The following VWA5B2 variants were observed in gnomAD, a reference collection of about 807,000 sequenced individuals.
The protein encoded by VWA5B2 is von Willebrand factor A domain containing 5B2.
In VWA5B2, 93 loss-of-function variants were observed where a neutral mutation model predicts 118.5. The ratio of observed to expected loss-of-function variants is 0.79; its 90% CI spans 0.66 to 0.93. VWA5B2 has a LOEUF of 0.93. Ranked by LOEUF, VWA5B2 falls within the 40% of genes least tolerant of loss-of-function variation. The probability of loss-of-function intolerance (pLI) is 0.00; values close to 1 mark genes in which losing one functional copy is unlikely to be tolerated. For synonymous variants in VWA5B2, 708 were observed against 716.3 expected, an observed-to-expected ratio of 0.99 and a Z score of 0.19; for missense variants, 1,546 against 1,672.8, an observed-to-expected ratio of 0.92 and a Z score of 1.32.
intron 3 of VWA5B2, chr3:184,232,833 G>A (rs1028503300): frequency 6.2e-6 from 2 of 321,504 alleles, no homozygotes; most frequent in African/African-American, 4.4e-5. Flanking sequence ...AAGGGATGGT[G>A]GCCAAGGGTT....
chr3:184,230,984 C>T lies in VWA5B2; in HGVS notation c.310+67C>T. The T allele has an allele frequency of 4.2e-6, 5 of 1,203,192 alleles. No homozygotes were observed. The South Asian group carries it at 1.3e-4, about 31-fold the overall frequency. 74.5% of individuals were successfully genotyped at this position (1,203,192 alleles called of 1,614,324 possible). On this transcript the variant is annotated intron_variant, in intron 3 of 19. Coordinates refer to ENST00000691901, the MANE Select transcript of VWA5B2 (RefSeq NM_001390846.1). ...CGCAGCTCAGGCTCCCGCATCCGCTCGGCCTCCGCCCGTCCCCCGCCTTCC... is the reference window on the plus strand; with the variant it reads ...CGCAGCTCAGGCTCCCGCATCCGCTTGGCCTCCGCCCGTCCCCCGCCTTCC...
At position 184,239,560 on chromosome 3, in the gene VWA5B2, T is replaced by C; in HGVS notation, c.2369T>C (p.Leu790Ser). Residue 790 changes from leucine (L) to serine (S), a missense_variant, in exon 15 of 20, where the codon TTG becomes TCG. Physicochemically the swap from Leu to Ser is moderately radical, Grantham distance 145. Coordinates refer to ENST00000691901, the MANE Select transcript of VWA5B2 (RefSeq NM_001390846.1). The surrounding 1 kb of genome is among the most constrained non-coding windows in gnomAD (Gnocchi z 5.1). Reference protein sequence around the residue: ...DGPSPEPGQQLGQGLDDSGNL... With the variant: ...DGPSPEPGQQSGQGLDDSGNL... Reference sequence around the variant, plus strand: ...CCAAGTCCTGAGCCAGGCCAACAGTTGGGACAAGGCCTGGATGACTCAGGT... The same window carrying C: ...CCAAGTCCTGAGCCAGGCCAACAGTCGGGACAAGGCCTGGATGACTCAGGT... 6.5e-7 allele frequency: 1 copy of C among 1,532,718 alleles called. No homozygotes were observed. The highest frequency in any genetic ancestry group is 1.2e-5 in the South Asian group (1 of 82,654). 94.9% of individuals were successfully genotyped at this position (1,532,718 alleles called of 1,614,324 possible). A position where few individuals can be genotyped will look rare whatever the true frequency, so the allele number is the denominator to read the frequency against.
chr3:184,241,921 T>A lies in VWA5B2; in HGVS notation c.3612T>A (p.Pro1204=). Residue 1204 remains proline, a synonymous_variant, in exon 20 of 20, where the codon CCT becomes CCA. Coordinates refer to ENST00000691901, the MANE Select transcript of VWA5B2 (RefSeq NM_001390846.1). This position sits in a 1 kb window ranked among gnomAD's most constrained non-coding sequence, Gnocchi z 5.1. ...ADCWLRAQHL[P]DGLDLAALKA... ...GCTGGCTGCGGGCCCAGCACTTGCC[T>A]GACGGCCTTGACCTGGCCGCCCTCA... 1 of 1,547,540 alleles carries A rather than the reference T, an allele frequency of 6.5e-7. No homozygotes were observed. The highest frequency in any genetic ancestry group is 8.7e-7 in the Non-Finnish European group (1 of 1,146,332).
At position 184,242,252 on chromosome 3, in the gene VWA5B2, C is replaced by A. The variant is rs917598891; in HGVS notation, c.*214C>A. 4.1e-6 allele frequency: 3 copies of A among 740,080 alleles called. No individual in the cohort carries two copies. The highest frequency in any genetic ancestry group is 6.8e-6 in the Non-Finnish European group (3 of 444,020). The allele number at this position is 740,080 out of a possible 1,614,324, so 45.8% of individuals were successfully genotyped here. A position where few individuals can be genotyped will look rare whatever the true frequency, so the allele number is the denominator to read the frequency against. On this transcript the variant is annotated 3_prime_UTR_variant, in exon 20 of 20. Transcript: ENST00000691901. ...CACCCCACTCACACTCCCCTCCATC[C>A]TCTGAGCTCCCTGCAACACAGTGGA...
At chr3:184,236,875 A>T in intron 11 of VWA5B2, 126 bp downstream of exon 11, 1 of 808,720 alleles carries the variant, frequency 1.2e-6, no homozygotes, top group Non-Finnish European at 1.9e-6. Context: ...CCTTCTCCCC[A>T]CTCCAATCAG....
Position 184,237,463 on chromosome 3 carries a change from T to C in VWA5B2, c.1719+52T>C. ...GGGGCTAGGGTGAGGTAGGGGGGCCTGGGATGGCTGAAGTCCCCGCATCTC... is the reference window on the plus strand; with the variant it reads ...GGGGCTAGGGTGAGGTAGGGGGGCCCGGGATGGCTGAAGTCCCCGCATCTC... On this transcript the variant is annotated intron_variant, in intron 12 of 19. Transcript: ENST00000691901. This position sits in a 1 kb window ranked among gnomAD's most constrained non-coding sequence, Gnocchi z 5.6. 6.7e-7 allele frequency: 1 copy of C among 1,501,640 alleles called. No homozygotes were observed. The highest frequency in any genetic ancestry group is 9.0e-7 in the Non-Finnish European group (1 of 1,115,768). The allele number at this position is 1,501,640 out of a possible 1,614,324, so 93.0% of individuals were successfully genotyped here.
rs1718237710 is a variant in VWA5B2, at chr3:184,238,545, T to C, written c.1892-18T>C. 1.3e-6 allele frequency: 2 copies of C among 1,541,218 alleles called. No homozygotes were observed. Among genetic ancestry groups the C allele is most frequent in the Non-Finnish European group, 1.8e-6 (2 of 1,139,064 alleles). ...GGGAGGGGTCAGGGCTAGGGCCCAT[T>C]CTACTGCCTCCCAGCAGGTACTGAT... On this transcript the variant is annotated intron_variant, in intron 13 of 19. Transcript: ENST00000691901. This position sits in a 1 kb window ranked among gnomAD's most constrained non-coding sequence, Gnocchi z 5.0.
At position 184,234,278 on chromosome 3, in the gene VWA5B2, CCT is replaced by C; in HGVS notation, c.705_706del (p.His236CysfsTer27). On this transcript the variant is annotated frameshift_variant, in exon 6 of 20. Transcript: ENST00000691901. LOFTEE classifies it high-confidence loss of function. ...CTATGTCCCTCAGGCCTGGAGAGCCCCTCTCATGCTCTGCGGGCAGATGCCCC... is the reference window on the plus strand; with the variant it reads ...CTATGTCCCTCAGGCCTGGAGAGCCCCTCATGCTCTGCGGGCAGATGCCCC... 1 of 1,551,676 alleles carries C rather than the reference CCT, an allele frequency of 6.4e-7. No homozygotes were observed. The highest frequency in any genetic ancestry group is 1.4e-5 in the African/African-American group (1 of 73,158).
Position 184,239,648 on chromosome 3 carries a change from A to G in VWA5B2, c.2393-41A>G. ...GAGGCCTTGGGGAGGTAAAGCCCAG[A>G]GGACCACTCTGCCCATGCCCCTGCT... On this transcript the variant is annotated intron_variant, in intron 15 of 19. Transcript: ENST00000691901. The surrounding 1 kb of genome is among the most constrained non-coding windows in gnomAD (Gnocchi z 5.1). The G allele has an allele frequency of 6.8e-7, 1 of 1,471,140 alleles. No individual in the cohort carries two copies. Among genetic ancestry groups the G allele is most frequent in the South Asian group, 1.4e-5 (1 of 71,214 alleles). The allele number at this position is 1,471,140 out of a possible 1,614,324, so 91.1% of individuals were successfully genotyped here.
In VWA5B2 at chr3:184,238,590, C is replaced by T. The variant is rs1394638234; in HGVS notation, c.1919C>T (p.Thr640Met). ...QSTDALTDPV[T>M]DPGPNPSDTA... ...ACTGATGCTCTGACAGACCCAGTCA[C>T]GGATCCTGGACCCAACCCCTCTGAC... Residue 640 changes from threonine (T) to methionine (M), a missense_variant, in exon 14 of 20, where the codon ACG becomes ATG. Thr to Met is a moderately conservative substitution (Grantham distance 81). Coordinates refer to ENST00000691901, the MANE Select transcript of VWA5B2 (RefSeq NM_001390846.1). The surrounding 1 kb of genome is among the most constrained non-coding windows in gnomAD (Gnocchi z 5.0). The T allele has an allele frequency of 1.4e-5, 22 of 1,550,656 alleles. No individual in the cohort carries two copies. The highest frequency in any genetic ancestry group is 2.4e-5 in the East Asian group (1 of 40,892).
intron 6 of VWA5B2, 27 bp downstream of exon 6, chr3:184,234,424 C>T (rs888928537): frequency 1.3e-5 from 20 of 1,550,278 alleles, no homozygotes; most frequent in Middle Eastern, 1.7e-4. Flanking sequence ...CACCGTGGGC[C>T]GGCTCTGACC....
rs1174746433 is a variant in VWA5B2 at position 184,241,979 on chromosome 3, C to T, written c.3670C>T (p.Arg1224Cys). The change falls in exon 20 of 20, where the codon CGC becomes TGC. Residue 1224 changes from arginine (R) to cysteine (C), a missense_variant. Transcript: ENST00000691901. This position sits in a 1 kb window ranked among gnomAD's most constrained non-coding sequence, Gnocchi z 5.1. ...AAARGLFLLL[R>C]HWDQNLQLHL... is the part of the protein sequence containing the mutation. ...AGCCCGAGGGCTCTTCCTGCTACTG[C>T]GCCACTGGGACCAAAACCTGCAGCT... 2 of 1,550,156 alleles carry T rather than the reference C, an allele frequency of 1.3e-6. No homozygotes were observed. Among genetic ancestry groups the T allele is most frequent in the Non-Finnish European group, 8.7e-7 (1 of 1,146,944 alleles).
rs1717872711 is a variant in VWA5B2 at position 184,235,437 on chromosome 3, C to G, written c.1101+129C>G. On this transcript the variant is annotated intron_variant, in intron 8 of 19. Transcript: ENST00000691901. ...CAAACACCATCTTCCAAAGAGGAAG[C>G]AGATGGCAACTCCTCAGGGGATTCC... 1.2e-5 allele frequency: 13 copies of G among 1,056,666 alleles called. No homozygotes were observed. The South Asian group carries it at 2.1e-4, about 17-fold the overall frequency. The allele number at this position is 1,056,666 out of a possible 1,614,324, so 65.5% of individuals were successfully genotyped here.
chr3:184,240,747 G>A (rs759576457), intron 16 of VWA5B2, 44 bp from the exon 17 acceptor site: 57 of 1,545,392 alleles, frequency 3.7e-5, no homozygotes, highest in Non-Finnish European at 2.3e-5. Flanking sequence ...CCTCTGTAGA[G>A]GGTGGGTGGT....
Position 184,241,467 on chromosome 3 carries a change from C to T in VWA5B2, c.3181-23C>T, listed in dbSNP as rs1053742915. 3 of 1,551,370 alleles carry T rather than the reference C, an allele frequency of 1.9e-6. No individual in the cohort carries two copies. The highest frequency in any genetic ancestry group is 2.6e-6 in the Non-Finnish European group (3 of 1,145,878). On this transcript the variant is annotated intron_variant, in intron 19 of 19. Transcript: ENST00000691901. This position sits in a 1 kb window ranked among gnomAD's most constrained non-coding sequence, Gnocchi z 5.1. ...CCGGGCGCTGTTTCAGCTCGCTTCT[C>T]CCCCCACCTCCTCTCTCCTCAGGTG...
In VWA5B2 at chr3:184,230,766, G is replaced by A. The variant is rs1341423788; in HGVS notation, c.159G>A (p.Leu53=). 2 of 1,229,256 alleles carry A rather than the reference G, an allele frequency of 1.6e-6. No homozygotes were observed. The highest frequency in any genetic ancestry group is 2.0e-6 in the Non-Finnish European group (2 of 986,638). The allele number at this position is 1,229,256 out of a possible 1,614,324, so 76.1% of individuals were successfully genotyped here. A position where few individuals can be genotyped will look rare whatever the true frequency, so the allele number is the denominator to read the frequency against. Residue 53 remains leucine (L), a synonymous_variant, in exon 3 of 20, where the codon CTG becomes CTA. Coordinates refer to ENST00000691901, the MANE Select transcript of VWA5B2 (RefSeq NM_001390846.1). ...CCCCAGGCGTGTTCGTGTACCCGCT[G>A]GCCGAGGCCGAGGTGGTGTCCGGCT... is the stretch of plus-strand genomic sequence containing the variant. ...QPVDGVFVYP[L]AEAEVVSGFE... is the part of the protein sequence containing the mutation.
chr3:184,237,930 G>T lies in VWA5B2; in HGVS notation c.1720-373G>T, dbSNP rs1718172254. ...TTTTCACAGGTGGTTGTCATCAGGGGTCATAAAGTGAGTACTCCTGGCAGA... is the reference window on the plus strand; with the variant it reads ...TTTTCACAGGTGGTTGTCATCAGGGTTCATAAAGTGAGTACTCCTGGCAGA... On this transcript the variant is annotated intron_variant, in intron 12 of 19. Coordinates refer to ENST00000691901, the MANE Select transcript of VWA5B2 (RefSeq NM_001390846.1). This position sits in a 1 kb window ranked among gnomAD's most constrained non-coding sequence, Gnocchi z 5.6. Among the ~76,000 whole-genome samples the T allele has an allele frequency of 6.6e-6, 1 of 152,200 alleles. No homozygotes were observed. The highest frequency in any genetic ancestry group is 1.5e-5 in the Non-Finnish European group (1 of 68,044).
chr3:184,231,804 A>G (rs1166115441), intron 3 of VWA5B2, among the ~76,000 whole-genome samples: 1 of 152,172 alleles, frequency 6.6e-6, no homozygotes, highest in Admixed American at 6.5e-5. Context: ...CAATCCAGGT[A>G]AGAAGAAGAG....
In VWA5B2 at chr3:184,233,035, T is replaced by C; in HGVS notation, c.311-143T>C. ...CATCATTCATCTCATGCCTCCATCCTGCGTCACCAATGCATTAGCCTAGTG... is the reference window on the plus strand; with the variant it reads ...CATCATTCATCTCATGCCTCCATCCCGCGTCACCAATGCATTAGCCTAGTG... On this transcript the variant is annotated intron_variant, in intron 3 of 19. Coordinates refer to ENST00000691901, the MANE Select transcript of VWA5B2 (RefSeq NM_001390846.1). The surrounding 1 kb of genome is among the most constrained non-coding windows in gnomAD (Gnocchi z 5.2). 2 of 677,518 alleles carry C rather than the reference T, an allele frequency of 3.0e-6. No homozygotes were observed. Among genetic ancestry groups the C allele is most frequent in the East Asian group, 2.8e-5 (1 of 36,096 alleles). 42.0% of individuals were successfully genotyped at this position (677,518 alleles called of 1,614,324 possible). A position where few individuals can be genotyped will look rare whatever the true frequency, so the allele number is the denominator to read the frequency against.
Sources: allele counts gnomAD v4.1 joint callset (sites outside exome capture counted in the v4.1 genomes callset), GRCh38; gene constraint gnomAD v4.1.1; non-coding constraint Gnocchi (gnomAD v3.1); transcripts MANE v1.5; gene names NCBI Gene and HGNC (gene_info 2026-07-23, HGNC 2026-07-21).